The following ASXL2 variants were observed in gnomAD, a reference collection of about 807,000 sequenced individuals.
The protein encoded by ASXL2 is ASXL transcriptional regulator 2.
Under a neutral mutation model 122.0 loss-of-function variants are expected in ASXL2, and 23 were observed. That is an observed-to-expected ratio of 0.19 (90% CI 0.14 to 0.27). ASXL2 has a LOEUF of 0.27. ASXL2 is among the 10% of genes least tolerant of loss of function. The pLI, the probability that ASXL2 is intolerant of heterozygous loss-of-function variation, is 1.00. For missense variants in ASXL2, 1,518 were observed against 1,713.8 expected, an observed-to-expected ratio of 0.89 and a Z score of 2.02; for synonymous variants, 650 against 637.0, an observed-to-expected ratio of 1.02 and a Z score of -0.31.
chr2:25,811,588 TATA>T lies in ASXL2; in HGVS notation c.144-5254_144-5252del, dbSNP rs2089171827. 4.6e-5 allele frequency among the ~76,000 whole-genome samples: 7 copies of T among 152,042 alleles called. No homozygotes were observed. In the South Asian group the frequency reaches 1.5e-3, roughly 32 times the overall value. ...ATAAATGTAAATTACCAATAAAATG[TATA>T]ATAAGAAGCTCAAACTTAATAGTGG... On this transcript the variant is annotated intron_variant, in intron 3 of 12. Coordinates refer to ENST00000435504, the MANE Select transcript of ASXL2 (RefSeq NM_018263.6).
chr2:25,752,836 ACT>A (rs576821637), intron 11 of ASXL2, among the ~76,000 whole-genome samples: 327 of 144,790 alleles, frequency 2.3e-3, no homozygotes, highest in African/African-American at 8.0e-3. Flanking sequence ...CAAGAGTGAA[ACT>A]CTGTCTCAAA....
Position 25,741,193 on chromosome 2 carries a change from G to T in ASXL2, c.*836C>A. ...TTAGTTACCACGAATGACTAAGTGCGGGGATAGGGTATTTTTGCTGGAATT... is the reference window on the plus strand; with the variant it reads ...TTAGTTACCACGAATGACTAAGTGCTGGGATAGGGTATTTTTGCTGGAATT... On this transcript the variant is annotated 3_prime_UTR_variant, in exon 13 of 13. Coordinates refer to ENST00000435504, the MANE Select transcript of ASXL2 (RefSeq NM_018263.6). 4.5e-6 allele frequency: 1 copy of T among 223,454 alleles called. No individual in the cohort carries two copies. Among genetic ancestry groups the T allele is most frequent in the Non-Finnish European group, 8.9e-6 (1 of 112,008 alleles). 13.8% of individuals were successfully genotyped at this position (223,454 alleles called of 1,614,324 possible).
chr2:25,768,176 A>T (rs2088385829), intron 7 of ASXL2, among the ~76,000 whole-genome samples: 1 of 152,246 alleles, frequency 6.6e-6, no homozygotes, highest in African/African-American at 2.4e-5. Context: ...AAAACTGGCT[A>T]AGAGTTTAGT....
rs774441383 is a variant in ASXL2, at chr2:25,744,299, C to T, written c.2038G>A (p.Ala680Thr). 3.8e-5 allele frequency: 62 copies of T among 1,611,338 alleles called. No homozygotes were observed. The highest frequency in any genetic ancestry group is 5.0e-5 in the Non-Finnish European group (59 of 1,179,246). Residue 680 changes from alanine to threonine, a missense_variant, in exon 13 of 13, where the codon GCT becomes ACT. By Grantham distance (58) the Ala-to-Thr change is moderately conservative. Transcript: ENST00000435504. This position sits in a 1 kb window ranked among gnomAD's most constrained non-coding sequence, Gnocchi z 4.7. ...QRAAAAAAAAAAAAASVGGTI... is the reference protein window; with the variant it reads ...QRAAAAAAAATAAAASVGGTI... ...CCTCCAACTGAGGCGGCTGCAGCAG[C>T]TGCGGCGGCAGCGGCAGCTGCTGCC... is the stretch of plus-strand genomic sequence containing the variant.
At chr2:25,840,015 G>C (rs561158043) in intron 2 of ASXL2, among the ~76,000 whole-genome samples, 5 of 151,624 alleles carry the variant, frequency 3.3e-5, no homozygotes, top group Admixed American at 3.3e-4. Flanking sequence ...ACAGGCATGA[G>C]CCACCATGCC....
intron 1 of ASXL2, among the ~76,000 whole-genome samples, chr2:25,849,452 CAAAAAAAAAAA>C (rs34833277): frequency 5.7e-5 from 4 of 70,652 alleles, no homozygotes. Context: ...GACTCTGACT[CAAAAAAAAAAA>C]AAAAAAAAAA....
At chr2:25,864,188 G>A (rs2089872618) in intron 1 of ASXL2, among the ~76,000 whole-genome samples, 1 of 152,072 alleles carries the variant, frequency 6.6e-6, no homozygotes, top group African/African-American at 2.4e-5. Context: ...CAGTAAAAGA[G>A]AACTGAACAG....
At chr2:25,748,409 G>C (rs2087977729) in intron 12 of ASXL2, among the ~76,000 whole-genome samples, 1 of 151,846 alleles carries the variant, frequency 6.6e-6, no homozygotes, top group African/African-American at 2.4e-5. Flanking sequence ...AGGAGGCTGA[G>C]GCAGGAGAAT....
chr2:25,747,828 G>T (rs1025565230), intron 12 of ASXL2, among the ~76,000 whole-genome samples: 7 of 152,020 alleles, frequency 4.6e-5, no homozygotes, highest in African/African-American at 1.7e-4. Context: ...AAAAAAATAA[G>T]AAAAAACCCC....
intron 5 of ASXL2, among the ~76,000 whole-genome samples, chr2:25,795,595 C>T (rs534999659): frequency 1.4e-4 from 21 of 152,198 alleles, no homozygotes; most frequent in African/African-American, 4.8e-4. Flanking sequence ...AAGTATATTC[C>T]CATTTTACAA....
At chr2:25,792,008 A>G (rs1041972768) in intron 5 of ASXL2, among the ~76,000 whole-genome samples, 1 of 152,020 alleles carries the variant, frequency 6.6e-6, no homozygotes. Context: ...TTATTCATTC[A>G]TTTCTTGAGA....
chr2:25,758,410 G>T (rs1316331774), intron 9 of ASXL2, among the ~76,000 whole-genome samples: 1 of 152,044 alleles, frequency 6.6e-6, no homozygotes, highest in Non-Finnish European at 1.5e-5. Context: ...TTGGGGGTTG[G>T]GGAGACCTAT....
intron 3 of ASXL2, among the ~76,000 whole-genome samples, chr2:25,819,904 CTTAT>C (rs879625913): frequency 6.9e-4 from 105 of 152,006 alleles, no homozygotes; most frequent in Middle Eastern, 3.4e-3. Context: ...GCTTGACTGA[CTTAT>C]TTATTTATTT....
chr2:25,845,401 G>T, intron 2 of ASXL2, 80 bp downstream of exon 2: 2 of 1,339,612 alleles, frequency 1.5e-6, no homozygotes, highest in Non-Finnish European at 2.0e-6. Context: ...TAATCTTCAG[G>T]ACTAAAGTAT....
At chr2:25,755,955 T>C (rs984180158) in intron 10 of ASXL2, 63 bp downstream of exon 10, 3 of 1,325,304 alleles carry the variant, frequency 2.3e-6, no homozygotes, top group Non-Finnish European at 3.3e-6. Context: ...AATTACCTGA[T>C]GAGGAAGAGA....
chr2:25,742,490 G>A lies in ASXL2; in HGVS notation c.3847C>T (p.Arg1283Cys), dbSNP rs377609636. The change falls in exon 13 of 13, where the codon CGT becomes TGT. Residue 1283 changes from arginine to cysteine, a missense_variant. This residue lies in a region of ASXL2 where 831 missense variants were observed against 833.1 expected (regional missense o/e 1.00). Coordinates refer to ENST00000435504, the MANE Select transcript of ASXL2 (RefSeq NM_018263.6). ...MAHAVRGKAI[R>C]SSPELFSSTV... ...GAACTGAAAAGCTCGGGGCTGCTAC[G>A]GATTGCCTTACCTCTCACTGCATGA... The A allele has an allele frequency of 1.5e-5, 25 of 1,613,684 alleles. No individual in the cohort carries two copies. The highest frequency in any genetic ancestry group is 1.1e-4 in the African/African-American group (8 of 74,910).
intron 5 of ASXL2, among the ~76,000 whole-genome samples, chr2:25,787,670 T>C (rs2088770423): frequency 6.6e-6 from 1 of 152,104 alleles, no homozygotes; most frequent in African/African-American, 2.4e-5. Flanking sequence ...ATAAAAAATG[T>C]CAAGGAATAA....
chr2:25,856,857 C>T, intron 1 of ASXL2: 1 of 827,814 alleles, frequency 1.2e-6, no homozygotes, highest in Non-Finnish European at 2.0e-6. Flanking sequence ...GAACGAGGTC[C>T]AAGTGGCCCA....
chr2:25,815,975 A>C (rs747649953), intron 3 of ASXL2, among the ~76,000 whole-genome samples: 3 of 152,234 alleles, frequency 2.0e-5, no homozygotes, highest in Non-Finnish European at 4.4e-5. Flanking sequence ...TAACGAGAAA[A>C]GATTACCCTT....
Sources: allele counts gnomAD v4.1 joint callset (sites outside exome capture counted in the v4.1 genomes callset), GRCh38; gene constraint gnomAD v4.1.1; regional missense constraint gnomAD v4.1.1; non-coding constraint Gnocchi (gnomAD v3.1); transcripts MANE v1.5; gene names NCBI Gene and HGNC (gene_info 2026-07-23, HGNC 2026-07-21).